The following EXD3 variants were observed in gnomAD, a reference collection of about 807,000 sequenced individuals.
The protein encoded by EXD3 is exonuclease mut-7 homolog.
Under a neutral mutation model 98.0 loss-of-function variants are expected in EXD3, and 92 were observed. The ratio of observed to expected loss-of-function variants is 0.94; its 90% CI spans 0.79 to 1.12. EXD3 has a LOEUF of 1.12. EXD3 is among the 50% of genes most tolerant of loss of function. The pLI, the probability that EXD3 is intolerant of heterozygous loss-of-function variation, is 0.00. For synonymous variants in EXD3, 569 were observed against 526.0 expected, an observed-to-expected ratio of 1.08 and a Z score of -1.12; for missense variants, 1,222 against 1,191.6, an observed-to-expected ratio of 1.03 and a Z score of -0.38.
intron 7 of EXD3, chr9:137,365,835 C>T (rs1367234525): frequency 2.8e-6 from 1 of 356,618 alleles, no homozygotes; most frequent in Non-Finnish European, 5.5e-6. Flanking sequence ...CAGACATACA[C>T]ACCTGCACAA....
At chr9:137,391,299 G>A (rs1342767527) in intron 2 of EXD3, among the ~76,000 whole-genome samples, 2 of 152,196 alleles carry the variant, frequency 1.3e-5, no homozygotes, top group Admixed American at 6.5e-5. Flanking sequence ...GTTCACCGCC[G>A]TGTCCACACT....
At chr9:137,417,224 G>A (rs1838278969) in intron 1 of EXD3, among the ~76,000 whole-genome samples, 1 of 152,224 alleles carries the variant, frequency 6.6e-6, no homozygotes, top group Admixed American at 6.5e-5. Context: ...CAGAGGACGC[G>A]GCCACGGACT....
chr9:137,417,745 C>CG (rs1241321766), intron 1 of EXD3, among the ~76,000 whole-genome samples: 2 of 152,130 alleles, frequency 1.3e-5, no homozygotes, highest in South Asian at 2.1e-4. Context: ...GTGTGCGCCC[C>CG]GGGCACACCG....
chr9:137,311,580 C>T (rs1424967229), intron 19 of EXD3, among the ~76,000 whole-genome samples: 1 of 152,228 alleles, frequency 6.6e-6, no homozygotes, highest in Non-Finnish European at 1.5e-5. Flanking sequence ...CACCGGGTGC[C>T]GTCAGTGAGG....
intron 7 of EXD3, chr9:137,365,033 G>C (rs979633144): frequency 6.6e-6 from 1 of 151,184 alleles, no homozygotes; most frequent in African/African-American, 2.4e-5. Flanking sequence ...CTCCCAAAGT[G>C]CTGGGATTAC....
intron 12 of EXD3, 66 bp downstream of exon 12, chr9:137,352,000 T>G (rs1322707456): frequency 1.3e-6 from 2 of 1,534,298 alleles, no homozygotes; most frequent in African/African-American, 2.7e-5. Flanking sequence ...ATGCCCCTGA[T>G]GCTCCTCCAG....
At chr9:137,383,420 C>T (rs373446448) in intron 2 of EXD3, 43 bp from the exon 3 acceptor site, 20 of 1,439,944 alleles carry the variant, frequency 1.4e-5, no homozygotes, top group Non-Finnish European at 1.7e-5. Flanking sequence ...GAGGCAGGTG[C>T]AGGGGCTATC....
chr9:137,388,019 C>T (rs998636991), intron 2 of EXD3, among the ~76,000 whole-genome samples: 2 of 152,200 alleles, frequency 1.3e-5, no homozygotes, highest in Non-Finnish European at 1.5e-5. Flanking sequence ...CCCTTGGAAC[C>T]ATGTGGGTGG....
At chr9:137,307,775 C>T (rs1444388796) in intron 20 of EXD3, 129 bp from the exon 21 acceptor site, 1 of 1,036,632 alleles carries the variant, frequency 9.6e-7, no homozygotes, top group Admixed American at 2.3e-5. Context: ...TCACACACCC[C>T]CCAGCCTTCG....
In EXD3 at chr9:137,385,011, G is replaced by A. The variant is rs1004648618; in HGVS notation, c.56-1634C>T. On this transcript the variant is annotated intron_variant, in intron 2 of 21. Transcript: ENST00000340951. The surrounding 1 kb of genome is among the most constrained non-coding windows in gnomAD (Gnocchi z 4.4). ...GGAGGCTGAGGCAGGAGAACAGCAT[G>A]AACCCGGGAGGCGGAGGTCGCAGTG... 3.3e-5 allele frequency among the ~76,000 whole-genome samples: 5 copies of A among 152,128 alleles called. No individual in the cohort carries two copies. Among genetic ancestry groups the A allele is most frequent in the African/African-American group, 9.7e-5 (4 of 41,434 alleles).
rs1381015161 is a variant in EXD3, at chr9:137,403,498, A to C, written c.-47-8094T>G. 1.3e-5 allele frequency among the ~76,000 whole-genome samples: 2 copies of C among 151,858 alleles called. No homozygotes were observed. The highest frequency in any genetic ancestry group is 2.4e-5 in the African/African-American group (1 of 41,330). On this transcript the variant is annotated intron_variant, in intron 1 of 21. Transcript: ENST00000340951. This position sits in a 1 kb window ranked among gnomAD's most constrained non-coding sequence, Gnocchi z 6.1. ...GGGCCGCAGGGTCTGGCAGCACCCC[A>C]TGAAGGCCGCCCCAGGTCCGTTTCA...
At chr9:137,392,584 T>C in intron 2 of EXD3, 4 of 237,204 alleles carry the variant, frequency 1.7e-5, no homozygotes, top group Non-Finnish European at 3.4e-5. Flanking sequence ...GCTGGCCTTG[T>C]TGACAGAGCT....
chr9:137,355,442 AGGGAGGAT>A (rs1461629051), intron 8 of EXD3, among the ~76,000 whole-genome samples: 34 of 51,218 alleles, frequency 6.6e-4, no homozygotes, highest in African/African-American at 1.4e-3. Flanking sequence ...GGATGGAGGA[AGGGAGGAT>A]GGAGGAAGGA....
chr9:137,330,277 A>ACTACACAGGAGCTACACAGGAC, intron 17 of EXD3, among the ~76,000 whole-genome samples: 1 of 116,658 alleles, frequency 8.6e-6, no homozygotes, highest in Admixed American at 8.4e-5. Flanking sequence ...CTACACAGGA[A>ACTACACAGGAGCTACACAGGAC]CTACACAGGA....
intron 10 of EXD3, chr9:137,353,535 G>C: frequency 1.0e-6 from 1 of 986,138 alleles, no homozygotes. Flanking sequence ...GTGCCCTCTG[G>C]GTGGCAATGA....
Position 137,324,130 on chromosome 9 carries a change from T to G in EXD3, c.2012A>C (p.Glu671Ala). The G allele has an allele frequency of 6.3e-7, 1 of 1,583,408 alleles. No homozygotes were observed. The highest frequency in any genetic ancestry group is 2.3e-5 in the East Asian group (1 of 43,290). Reference sequence around the variant, plus strand: ...CCCCGACGTCAGAATGATCCTCCCCTCCTGCCTGGCAACCTGTGTGGGAGG... The same window carrying G: ...CCCCGACGTCAGAATGATCCTCCCCGCCTGCCTGGCAACCTGTGTGGGAGG... ...HRRAAEVARQ[E>A]GRIILTSGQP... Residue 671 changes from glutamate (E) to alanine (A), a missense_variant, in exon 18 of 22, where the codon GAG (glutamate) becomes GCG (alanine). Physicochemically the swap from Glu to Ala is moderately radical, Grantham distance 107. Coordinates refer to ENST00000340951, the MANE Select transcript of EXD3 (RefSeq NM_017820.5). This position sits in a 1 kb window ranked among gnomAD's most constrained non-coding sequence, Gnocchi z 4.1.
In EXD3 at chr9:137,347,067, G is replaced by C. The variant is rs1002996812; in HGVS notation, c.1998+1004C>G. 1.3e-5 allele frequency among the ~76,000 whole-genome samples: 2 copies of C among 152,104 alleles called. No individual in the cohort carries two copies. Among genetic ancestry groups the C allele is most frequent in the African/African-American group, 2.4e-5 (1 of 41,426 alleles). On this transcript the variant is annotated intron_variant, in intron 17 of 21. Transcript: ENST00000340951. This position sits in a 1 kb window ranked among gnomAD's most constrained non-coding sequence, Gnocchi z 4.2. ...CTGACCTTGTGATCCACCCGCCTCGGCCTCCCAGAGTGCAGGGATTACAGG... is the reference window on the plus strand; with the variant it reads ...CTGACCTTGTGATCCACCCGCCTCGCCCTCCCAGAGTGCAGGGATTACAGG...
chr9:137,335,914 T>C (rs1221599518), intron 17 of EXD3, among the ~76,000 whole-genome samples: 2 of 151,862 alleles, frequency 1.3e-5, no homozygotes. Context: ...AATGAGTGGA[T>C]TAAAAAAATG....
chr9:137,339,167 C>G (rs140672620), intron 17 of EXD3, among the ~76,000 whole-genome samples: 1 of 152,176 alleles, frequency 6.6e-6, no homozygotes, highest in East Asian at 1.9e-4. Context: ...AACTCAGTAT[C>G]AGAACATTCT....
Sources: allele counts gnomAD v4.1 joint callset (sites outside exome capture counted in the v4.1 genomes callset), GRCh38; gene constraint gnomAD v4.1.1; non-coding constraint Gnocchi (gnomAD v3.1); transcripts MANE v1.5; gene names NCBI Gene and HGNC (gene_info 2026-07-23, HGNC 2026-07-21).